The following KIF26B variants were observed in gnomAD, a reference collection of about 807,000 sequenced individuals.
The protein encoded by KIF26B is kinesin-like protein KIF26B.
Under a neutral mutation model 151.2 loss-of-function variants are expected in KIF26B, and 63 were observed. The ratio of observed to expected loss-of-function variants is 0.42; its 90% CI spans 0.34 to 0.51. The LOEUF (loss-of-function observed/expected upper bound fraction) is 0.51. KIF26B is among the 20% of genes least tolerant of loss of function. The pLI is 0.07. For missense variants in KIF26B, 2,813 were observed against 2,913.6 expected (o/e 0.97, Z 0.79); for synonymous variants, 1,357 against 1,262.1 (o/e 1.08, Z -1.59).
chr1:245,508,385 C>T (rs960228335), intron 4 of KIF26B, among the ~76,000 whole-genome samples: 5 of 152,238 alleles, frequency 3.3e-5, no homozygotes, highest in East Asian at 1.9e-4. Context: ...TGACTACTGG[C>T]GCCCGCCACC....
chr1:245,509,873 C>A (rs1378718441), intron 4 of KIF26B, among the ~76,000 whole-genome samples: 1 of 152,220 alleles, frequency 6.6e-6, no homozygotes, highest in Non-Finnish European at 1.5e-5. Flanking sequence ...GCCTTCAGCT[C>A]CTCTGTTGCT....
intron 3 of KIF26B, among the ~76,000 whole-genome samples, chr1:245,389,083 A>G (rs1318854731): frequency 6.6e-6 from 1 of 152,102 alleles, no homozygotes; most frequent in Non-Finnish European, 1.5e-5. Flanking sequence ...TAATGATTTC[A>G]GGGTTCACAC....
At position 245,253,049 on chromosome 1, in the gene KIF26B, G is replaced by A. The variant is rs12022484; in HGVS notation, c.465+96366G>A. 6.0e-3 allele frequency among the ~76,000 whole-genome samples: 845 copies of A among 140,464 alleles called. 14 individuals carry two copies. The East Asian group carries it at 0.078, about 13-fold the overall frequency. The allele number at this position is 140,464 out of a possible 152,430, so 92.1% of individuals were successfully genotyped here. On this transcript the variant is annotated intron_variant, in intron 2 of 14. Transcript: ENST00000407071. ...TTTTGAGACGGAGTCTTGCTGTGTC[G>A]CTCAGGCTGGAGTGCAGTGACATGA... is the stretch of plus-strand genomic sequence containing the variant.
Position 245,704,303 on chromosome 1 carries a change from G to GAAAA in KIF26B, c.*1701_*1704dup, listed in dbSNP as rs565837313. The GAAAA allele has an allele frequency of 6.6e-6, 1 of 152,162 alleles. No individual in the cohort carries two copies. Among genetic ancestry groups the GAAAA allele is most frequent in the Non-Finnish European group, 1.5e-5 (1 of 68,040 alleles). 9.4% of individuals were successfully genotyped at this position (152,162 alleles called of 1,614,324 possible). On this transcript the variant is annotated 3_prime_UTR_variant, in exon 15 of 15. Coordinates refer to ENST00000407071, the MANE Select transcript of KIF26B (RefSeq NM_018012.4). ...CAGCCCCAGCCACTCCCCAAGCGGG[G>GAAAA]AAAAAAACACTACGTTTCTTGGTCA...
intron 2 of KIF26B, among the ~76,000 whole-genome samples, chr1:245,357,999 C>T (rs1672736006): frequency 6.6e-6 from 1 of 152,202 alleles, no homozygotes; most frequent in Non-Finnish European, 1.5e-5. Flanking sequence ...TCACTGCATC[C>T]TCAGCCTCCT....
At chr1:245,268,310 A>G (rs1670785159) in intron 2 of KIF26B, among the ~76,000 whole-genome samples, 1 of 151,820 alleles carries the variant, frequency 6.6e-6, no homozygotes, top group Non-Finnish European at 1.5e-5. Flanking sequence ...TCTACTAAAA[A>G]ATACAAAAAA....
At chr1:245,332,688 G>A (rs185017583) in intron 2 of KIF26B, among the ~76,000 whole-genome samples, 6 of 152,272 alleles carry the variant, frequency 3.9e-5, no homozygotes, top group African/African-American at 1.2e-4. Flanking sequence ...CCTTATGTGT[G>A]TCATGCTTTG....
intron 5 of KIF26B, among the ~76,000 whole-genome samples, chr1:245,555,269 A>C (rs1263070371): frequency 1.3e-5 from 2 of 152,098 alleles, no homozygotes; most frequent in Non-Finnish European, 2.9e-5. Flanking sequence ...TTTTCGTTTC[A>C]AGCAATAGAA....
At chr1:245,232,701 C>A (rs926351891) in intron 2 of KIF26B, among the ~76,000 whole-genome samples, 4 of 152,144 alleles carry the variant, frequency 2.6e-5, no homozygotes, top group Non-Finnish European at 4.4e-5. Flanking sequence ...CAGGCATGAG[C>A]CACCACTCCC....
In KIF26B at chr1:245,273,889, T is replaced by C. The variant is rs183816978; in HGVS notation, c.466-92945T>C. 1.4e-4 allele frequency among the ~76,000 whole-genome samples: 21 copies of C among 152,328 alleles called. No homozygotes were observed. In the East Asian group the frequency reaches 4.0e-3, roughly 29 times the overall value. On this transcript the variant is annotated intron_variant, in intron 2 of 14. Transcript: ENST00000407071. ...AAGTCATTACTGATAGGCAAGGACT[T>C]ACTATTGCCATTTTGCTCATTGTTT...
At chr1:245,219,640 G>A (rs1388002208) in intron 2 of KIF26B, among the ~76,000 whole-genome samples, 3 of 152,026 alleles carry the variant, frequency 2.0e-5, no homozygotes, top group Admixed American at 1.3e-4. Context: ...AGGCTGAGGC[G>A]GGAGGATCAC....
chr1:245,510,940 A>C lies in KIF26B; in HGVS notation c.1167-29827A>C. On this transcript the variant is annotated intron_variant, in intron 4 of 14. Transcript: ENST00000407071. ...CAGGGTCTGCTCTGAGAGTTCTCAG[A>C]CCCCCATGGATTTTAGAATTTTCCA... is the stretch of plus-strand genomic sequence containing the variant. 4.8e-6 allele frequency: 3 copies of C among 620,612 alleles called. No homozygotes were observed. The South Asian group carries it at 6.2e-5, about 13-fold the overall frequency. 38.4% of individuals were successfully genotyped at this position (620,612 alleles called of 1,614,324 possible).
chr1:245,501,311 G>C (rs538738426), intron 4 of KIF26B, among the ~76,000 whole-genome samples: 1 of 152,170 alleles, frequency 6.6e-6, no homozygotes, highest in African/African-American at 2.4e-5. Context: ...ATAGTGTTGC[G>C]GATGTCACAG....
intron 5 of KIF26B, among the ~76,000 whole-genome samples, chr1:245,591,917 G>A (rs561626452): frequency 2.6e-5 from 4 of 152,176 alleles, no homozygotes; most frequent in Non-Finnish European, 5.9e-5. Flanking sequence ...CATTAGCAGT[G>A]CCTCACGGGG....
chr1:245,246,898 C>CACACACACAGACACAG (rs1226495816), intron 2 of KIF26B, among the ~76,000 whole-genome samples: 2 of 147,868 alleles, frequency 1.4e-5, no homozygotes, highest in Admixed American at 6.7e-5. Flanking sequence ...CACACAGACA[C>CACACACACAGACACAG]ACACACACAG....
intron 2 of KIF26B, among the ~76,000 whole-genome samples, chr1:245,214,825 A>G (rs951526614): frequency 6.6e-6 from 1 of 152,180 alleles, no homozygotes; most frequent in Non-Finnish European, 1.5e-5. Context: ...GGGTTACAAG[A>G]GCAAAACTCC....
At chr1:245,296,389 G>T (rs1338600309) in intron 2 of KIF26B, among the ~76,000 whole-genome samples, 1 of 151,928 alleles carries the variant, frequency 6.6e-6, no homozygotes, top group Non-Finnish European at 1.5e-5. Context: ...TACAAGATTG[G>T]AGTGTGTTCA....
chr1:245,483,672 T>G (rs1365525099), intron 4 of KIF26B, among the ~76,000 whole-genome samples: 1 of 151,744 alleles, frequency 6.6e-6, no homozygotes, highest in East Asian at 1.9e-4. Flanking sequence ...ATGAAGGGCG[T>G]GGGTAGTGAA....
At chr1:245,197,905 G>A (rs1669222767) in intron 2 of KIF26B, among the ~76,000 whole-genome samples, 1 of 152,150 alleles carries the variant, frequency 6.6e-6, no homozygotes, top group East Asian at 1.9e-4. Flanking sequence ...GCGTACTGGA[G>A]TTTCACAGAT....
Sources: gnomAD v4.1 joint callset for allele counts (sites outside exome capture counted in the v4.1 genomes callset) on GRCh38, gnomAD v4.1.1 for gene constraint, MANE v1.5 for transcripts, NCBI Gene and HGNC (gene_info 2026-07-23, HGNC 2026-07-21) for gene names.